FAM227B: variants seen among roughly 807,000 people sequenced by gnomAD.
FAM227B encodes the protein family with sequence similarity 227 member B.
FAM227B carries 88 observed loss-of-function variants against 73.8 expected under a neutral mutation model. The ratio of observed to expected loss-of-function variants is 1.19; its 90% CI spans 1.00 to 1.42. The LOEUF (loss-of-function observed/expected upper bound fraction) is 1.42, where lower values mean the gene tolerates loss of function less well. FAM227B is among the 40% of genes most tolerant of loss of function. The probability of loss-of-function intolerance (pLI) is 0.00; values close to 1 mark genes in which losing one functional copy is unlikely to be tolerated. For missense variants in FAM227B, 632 were observed against 590.9 expected (o/e 1.07, Z -0.72); for synonymous variants, 210 against 190.5 (o/e 1.10, Z -0.84).
intron 11 of FAM227B, chr15:49,395,963 G>C (rs1313378482): frequency 4.4e-6 from 2 of 455,944 alleles, no homozygotes; most frequent in Non-Finnish European, 8.8e-6. Context: ...ACAAAATGTG[G>C]GTTAATCTTA....
At chr15:49,367,654 T>A in intron 12 of FAM227B, 46 bp from the exon 13 acceptor site, 1 of 1,494,392 alleles carries the variant, frequency 6.7e-7, no homozygotes, top group Non-Finnish European at 8.9e-7. Context: ...CTTTTGTGTT[T>A]CTAAAAAACT....
intron 11 of FAM227B, among the ~76,000 whole-genome samples, chr15:49,438,703 G>A (rs2051332686): frequency 2.0e-5 from 3 of 151,588 alleles, no homozygotes; most frequent in African/African-American, 7.3e-5. Context: ...ATGACCTTGG[G>A]CAAATAGTTG....
At chr15:49,611,306 C>G (rs752354881) in intron 2 of FAM227B, 38 bp from the exon 3 acceptor site, 3 of 1,064,148 alleles carry the variant, frequency 2.8e-6, no homozygotes, top group East Asian at 4.8e-5. Flanking sequence ...TTGGCATAAA[C>G]TCACTAGACT....
At chr15:49,333,082 C>G (rs915740886) in intron 14 of FAM227B, among the ~76,000 whole-genome samples, 12 of 152,264 alleles carry the variant, frequency 7.9e-5, no homozygotes, top group East Asian at 3.9e-4. Flanking sequence ...TCTGTCTCAT[C>G]TCACTAAGTT....
chr15:49,519,262 G>C (rs1038983259), intron 10 of FAM227B, among the ~76,000 whole-genome samples: 1 of 152,148 alleles, frequency 6.6e-6, no homozygotes, highest in African/African-American at 2.4e-5. Context: ...GAGTGTCTGT[G>C]GCTTTTACAG....
At chr15:49,471,848 A>C (rs2054806312) in intron 11 of FAM227B, among the ~76,000 whole-genome samples, 1 of 152,162 alleles carries the variant, frequency 6.6e-6, no homozygotes, top group African/African-American at 2.4e-5. Flanking sequence ...GGGCAGCCAG[A>C]AAAGACGTAT....
At chr15:49,367,734 C>A in intron 12 of FAM227B, 126 bp from the exon 13 acceptor site, 1 of 895,614 alleles carries the variant, frequency 1.1e-6, no homozygotes, top group Non-Finnish European at 1.6e-6. Flanking sequence ...GGAAATTCTA[C>A]AAAGCATCTT....
chr15:49,549,122 T>C (rs2072403989), intron 9 of FAM227B, among the ~76,000 whole-genome samples: 1 of 152,104 alleles, frequency 6.6e-6, no homozygotes, highest in African/African-American at 2.4e-5. Flanking sequence ...TTGTTCTTTA[T>C]TGATGTAGGC....
chr15:49,615,836 G>A (rs2078255964), intron 1 of FAM227B, among the ~76,000 whole-genome samples: 1 of 152,106 alleles, frequency 6.6e-6, no homozygotes, highest in African/African-American at 2.4e-5. Flanking sequence ...AAATGGACAA[G>A]GGAAGGCTAA....
intron 5 of FAM227B, among the ~76,000 whole-genome samples, chr15:49,584,039 A>G (rs2075990219): frequency 6.6e-6 from 1 of 152,032 alleles, no homozygotes; most frequent in Non-Finnish European, 1.5e-5. Flanking sequence ...TGTCACTAAA[A>G]CCGGGCAGAG....
rs917558186 is a variant in FAM227B, at chr15:49,585,740, C to T, written c.405+2276G>A. Among the ~76,000 whole-genome samples, 527 of 152,124 alleles carry T rather than the reference C, an allele frequency of 3.5e-3. 3 individuals are homozygous for T. Among genetic ancestry groups the T allele is most frequent in the African/African-American group, 0.012 (502 of 41,486 alleles). ...ATAGCAGTAGGAGATATACCTAATG[C>T]TAAATGACGAGTTAATGTGTGCAAC... On this transcript the variant is annotated intron_variant, in intron 5 of 15. Coordinates refer to ENST00000299338, the MANE Select transcript of FAM227B (RefSeq NM_152647.3).
chr15:49,520,341 CAT>C lies in FAM227B; in HGVS notation c.875-11995_875-11994del, dbSNP rs3075951. Reference sequence around the variant, plus strand: ...CTCCAGGAAGTTCCAAACTTTTCCACATGTTTATGTTTTCTTCTGAGCCCTCC... The same window carrying C: ...CTCCAGGAAGTTCCAAACTTTTCCACGTTTATGTTTTCTTCTGAGCCCTCC... On this transcript the variant is annotated intron_variant, in intron 10 of 15. Transcript: ENST00000299338. Among the ~76,000 whole-genome samples, 810 of 152,274 alleles carry C rather than the reference CAT, an allele frequency of 5.3e-3. 9 individuals are homozygous for C. The highest frequency in any genetic ancestry group is 0.01 in the Middle Eastern group (3 of 294).
intron 11 of FAM227B, among the ~76,000 whole-genome samples, chr15:49,444,402 A>C (rs2051983330): frequency 6.6e-6 from 1 of 151,780 alleles, no homozygotes; most frequent in Non-Finnish European, 1.5e-5. Flanking sequence ...TATAGTATGA[A>C]AAAGTAAAAA....
chr15:49,438,547 T>C (rs914094637), intron 11 of FAM227B, among the ~76,000 whole-genome samples: 1 of 151,498 alleles, frequency 6.6e-6, no homozygotes, highest in Admixed American at 6.6e-5. Flanking sequence ...CATTATTTTG[T>C]ATAAATATTA....
At chr15:49,514,933 G>C (rs1307987655) in intron 10 of FAM227B, among the ~76,000 whole-genome samples, 1 of 152,014 alleles carries the variant, frequency 6.6e-6, no homozygotes, top group African/African-American at 2.4e-5. Context: ...TTTTTGCATA[G>C]GTTAGAAGAT....
At chr15:49,474,709 C>T (rs2055086223) in intron 11 of FAM227B, among the ~76,000 whole-genome samples, 2 of 152,136 alleles carry the variant, frequency 1.3e-5, no homozygotes, top group Admixed American at 6.6e-5. Context: ...AGGAGATGAG[C>T]TGCGGGTGAG....
At chr15:49,540,638 T>C (rs1374602035) in intron 10 of FAM227B, among the ~76,000 whole-genome samples, 1 of 152,200 alleles carries the variant, frequency 6.6e-6, no homozygotes, top group Non-Finnish European at 1.5e-5. Flanking sequence ...TAACCTTAAT[T>C]ACTTATTTAA....
At chr15:49,347,314 G>T (rs1428480789) in intron 13 of FAM227B, among the ~76,000 whole-genome samples, 1 of 152,174 alleles carries the variant, frequency 6.6e-6, no homozygotes, top group Admixed American at 6.5e-5. Flanking sequence ...TTTGAAGTAG[G>T]AGACAGAAGA....
chr15:49,531,098 ATAAT>A (rs34292689), intron 10 of FAM227B, among the ~76,000 whole-genome samples: 47,787 of 151,442 alleles, frequency 0.32, 8,096 homozygotes, highest in African/African-American at 0.42. Flanking sequence ...GTTTAAACTA[ATAAT>A]TAAATTATAA....
Sources: gnomAD v4.1 joint callset for allele counts (sites outside exome capture counted in the v4.1 genomes callset) on GRCh38, gnomAD v4.1.1 for gene constraint, MANE v1.5 for transcripts, NCBI Gene and HGNC (gene_info 2026-07-23, HGNC 2026-07-21) for gene names.